Variants in PALM2AKAP2 observed in about 807,000 individuals in gnomAD.
The protein encoded by PALM2AKAP2 is PALM2 and AKAP2 fusion, also known as PALM2-AKAP2 fusion protein.
In PALM2AKAP2, 37 loss-of-function variants were observed where a neutral mutation model predicts 71.5. The ratio of observed to expected loss-of-function variants is 0.52; its 90% CI spans 0.40 to 0.68. The LOEUF (loss-of-function observed/expected upper bound fraction) is 0.68, where lower values mean the gene tolerates loss of function less well. PALM2AKAP2 is among the 30% of genes least tolerant of loss of function. The pLI, the probability that PALM2AKAP2 is intolerant of heterozygous loss-of-function variation, is 0.00. For missense variants in PALM2AKAP2, 1,224 were observed against 1,191.8 expected (o/e 1.03, Z -0.40); for synonymous variants, 468 against 478.8 (o/e 0.98, Z 0.29).
intron 1 of PALM2AKAP2, among the ~76,000 whole-genome samples, chr9:110,093,163 T>A (rs1046349863): frequency 5.3e-5 from 8 of 152,198 alleles, no homozygotes; most frequent in African/African-American, 1.9e-4. Context: ...GTTGTCTTTG[T>A]TTTTAAATAA....
chr9:109,864,249 C>T (rs1347314993), intron 1 of PALM2AKAP2, among the ~76,000 whole-genome samples: 3 of 152,118 alleles, frequency 2.0e-5, no homozygotes, highest in Non-Finnish European at 2.9e-5. Flanking sequence ...AATTCTAACC[C>T]AATAAGGAGT....
At chr9:109,752,330 A>G (rs1264440675) in intron 1 of PALM2AKAP2, among the ~76,000 whole-genome samples, 1 of 152,152 alleles carries the variant, frequency 6.6e-6, no homozygotes, top group Non-Finnish European at 1.5e-5. Flanking sequence ...AAACTTTCAC[A>G]TGCACAGGAA....
intron 1 of PALM2AKAP2, among the ~76,000 whole-genome samples, chr9:109,843,879 A>G (rs909194686): frequency 1.3e-5 from 2 of 152,160 alleles, no homozygotes; most frequent in Non-Finnish European, 2.9e-5. Context: ...TGTCAGCACT[A>G]CACAGTTGTC....
chr9:110,075,120 A>C (rs1434158496), intron 1 of PALM2AKAP2, among the ~76,000 whole-genome samples: 1 of 152,224 alleles, frequency 6.6e-6, no homozygotes, highest in East Asian at 1.9e-4. Context: ...TCTTGAAAAA[A>C]TTCTGGCCGA....
intron 1 of PALM2AKAP2, among the ~76,000 whole-genome samples, chr9:109,673,546 G>A (rs1055259375): frequency 2.6e-5 from 4 of 152,100 alleles, no homozygotes; most frequent in African/African-American, 9.7e-5. Context: ...TATGTGCCAC[G>A]TGGCAATGAG....
intron 1 of PALM2AKAP2, among the ~76,000 whole-genome samples, chr9:110,126,029 T>C (rs1374197286): frequency 6.6e-6 from 1 of 152,180 alleles, no homozygotes; most frequent in Non-Finnish European, 1.5e-5. Context: ...TCTTGTGGTC[T>C]ACAGCTAGCC....
At chr9:110,084,002 G>A (rs768504973) in intron 1 of PALM2AKAP2, among the ~76,000 whole-genome samples, 6 of 152,206 alleles carry the variant, frequency 3.9e-5, no homozygotes, top group South Asian at 4.2e-4. Context: ...TGCCTAGGGC[G>A]GGAACTCCCA....
At chr9:109,646,704 G>A (rs541181801) in intron 1 of PALM2AKAP2, among the ~76,000 whole-genome samples, 3 of 152,306 alleles carry the variant, frequency 2.0e-5, no homozygotes, top group African/African-American at 7.2e-5. Flanking sequence ...TATGTATGAA[G>A]CACTGTGATA....
At chr9:109,943,058 C>T (rs1191717350) in intron 6 of PALM2AKAP2, 1 of 1,614,238 alleles carries the variant, frequency 6.2e-7, no homozygotes, top group Admixed American at 1.7e-5. Context: ...TCCGGGAACC[C>T]AGGGCAGCAG....
rs549982313 is a variant in PALM2AKAP2, at chr9:109,842,336, G to A, written c.46-25155G>A. ...GACCATGACATCCACAATCAGCTGCGTGTTCTGGGCATGTCCTCAAAGAAA... is the reference window on the plus strand; with the variant it reads ...GACCATGACATCCACAATCAGCTGCATGTTCTGGGCATGTCCTCAAAGAAA... On this transcript the variant is annotated intron_variant, in intron 1 of 9. Transcript: ENST00000302798. Among the ~76,000 whole-genome samples the A allele has an allele frequency of 4.2e-4, 64 of 152,290 alleles. 1 individual carries two copies. The Middle Eastern group carries it at 0.014, about 32-fold the overall frequency.
chr9:109,894,992 T>C (rs1471242458), intron 3 of PALM2AKAP2, among the ~76,000 whole-genome samples: 1 of 152,166 alleles, frequency 6.6e-6, no homozygotes, highest in African/African-American at 2.4e-5. Context: ...ACTTGGAGTC[T>C]TTCTACTAGG....
chr9:109,672,792 A>T (rs117063290), intron 1 of PALM2AKAP2, among the ~76,000 whole-genome samples: 1 of 151,900 alleles, frequency 6.6e-6, no homozygotes, highest in Admixed American at 6.6e-5. Flanking sequence ...GCTCATTATT[A>T]GTCTGTTCAG....
At chr9:109,779,456 G>A (rs186903093), upstream of PALM2AKAP2, among the ~76,000 whole-genome samples, 4 of 152,324 alleles carry the variant, frequency 2.6e-5, no homozygotes, top group East Asian at 5.8e-4. Context: ...AGATGTCTGT[G>A]ATGCCCTTTA....
chr9:109,855,510 G>T (rs1829139316), intron 1 of PALM2AKAP2, among the ~76,000 whole-genome samples: 1 of 152,246 alleles, frequency 6.6e-6, no homozygotes, highest in Non-Finnish European at 1.5e-5. Context: ...GAGAGACATG[G>T]TCTCTGCCCT....
At chr9:109,959,680 G>A (rs1456514375) in intron 6 of PALM2AKAP2, among the ~76,000 whole-genome samples, 1 of 150,808 alleles carries the variant, frequency 6.6e-6, no homozygotes, top group Non-Finnish European at 1.5e-5. Flanking sequence ...TATTTCCATT[G>A]ATCCAAAGAA....
At chr9:109,649,879 T>TCACATATC (rs1166176658) in intron 1 of PALM2AKAP2, among the ~76,000 whole-genome samples, 2 of 152,292 alleles carry the variant, frequency 1.3e-5, no homozygotes, top group Non-Finnish European at 2.9e-5. Context: ...TTCAGACAGA[T>TCACATATC]CACATATCCC....
chr9:109,689,200 C>CTTTTTTTT (rs200092612), intron 1 of PALM2AKAP2, among the ~76,000 whole-genome samples: 1 of 134,150 alleles, frequency 7.5e-6, no homozygotes, highest in South Asian at 2.5e-4. Context: ...TTTTTCTTTT[C>CTTTTTTTT]TTTTTTTTTT....
chr9:109,860,265 C>T lies in PALM2AKAP2; in HGVS notation c.46-7226C>T, dbSNP rs142096216. ...ACAGACTATTTTTCTTTTTTTTCCCCTCAGATGTATAAATAGCATTGAATC... is the reference window on the plus strand; with the variant it reads ...ACAGACTATTTTTCTTTTTTTTCCCTTCAGATGTATAAATAGCATTGAATC... On this transcript the variant is annotated intron_variant, in intron 1 of 9. Coordinates refer to the PALM2AKAP2 transcript ENST00000302798. 8.9e-3 allele frequency among the ~76,000 whole-genome samples: 1,351 copies of T among 152,068 alleles called. 66 individuals are homozygous for T. Among genetic ancestry groups the T allele is most frequent in the Admixed American group, 0.077 (1,176 of 15,274 alleles).
chr9:109,748,603 G>A lies in PALM2AKAP2; in HGVS notation c.6-31885G>A, dbSNP rs144660552. 2.2e-4 allele frequency among the ~76,000 whole-genome samples: 34 copies of A among 152,306 alleles called. 1 individual carries two copies. The East Asian group carries it at 6.4e-3, about 29-fold the overall frequency. On this transcript the variant is annotated intron_variant, in intron 1 of 6. Coordinates refer to the PALM2AKAP2 transcript ENST00000374531. ...AGTTAAATGGCAGATTGCATGTACT[G>A]TCATGTGTCCTATCTGTCATGATGC... is the stretch of plus-strand genomic sequence containing the variant.
Sources: allele counts gnomAD v4.1 joint callset (sites outside exome capture counted in the v4.1 genomes callset), GRCh38; gene constraint gnomAD v4.1.1; transcripts MANE v1.5; gene names NCBI Gene and HGNC (gene_info 2026-07-23, HGNC 2026-07-21).